Variants in NEB observed in about 807,000 individuals in gnomAD.
NEB encodes the protein nebulin.
NEB carries 512 observed loss-of-function variants against 952.2 expected under a neutral mutation model. That is an observed-to-expected ratio of 0.54 (90% CI 0.50 to 0.58). NEB has a LOEUF of 0.58. NEB is among the 20% of genes least tolerant of loss of function. The pLI is 0.00. For synonymous variants in NEB, 2,900 were observed against 3,149.8 expected (o/e 0.92, Z 2.66); for missense variants, 8,428 against 9,231.1 (o/e 0.91, Z 3.56).
chr2:151,661,081 G>A (rs982251447), intron 46 of NEB, among the ~76,000 whole-genome samples: 6 of 152,114 alleles, frequency 3.9e-5, no homozygotes, highest in Non-Finnish European at 2.9e-5. Flanking sequence ...TGTGTGGGAG[G>A]TGCTTTGCTT....
chr2:151,713,832 A>G (rs1209930343), intron 10 of NEB, among the ~76,000 whole-genome samples: 1 of 152,202 alleles, frequency 6.6e-6, no homozygotes, highest in African/African-American at 2.4e-5. Flanking sequence ...GACAAAGGTG[A>G]GAGAATTGAT....
At chr2:151,689,001 A>G (rs2099524642) in intron 24 of NEB, among the ~76,000 whole-genome samples, 1 of 152,086 alleles carries the variant, frequency 6.6e-6, no homozygotes, top group Admixed American at 6.5e-5. Context: ...AAAACCGTGG[A>G]TAAGGGGGAT....
intron 71 of NEB, among the ~76,000 whole-genome samples, chr2:151,621,228 C>A (rs572130630): frequency 1.3e-5 from 2 of 152,182 alleles, no homozygotes; most frequent in African/African-American, 4.8e-5. Context: ...CAAGTTTTAA[C>A]ATCACAACCT....
chr2:151,690,436 T>G (rs965880238), intron 24 of NEB: 1 of 282,774 alleles, frequency 3.5e-6, no homozygotes, highest in African/African-American at 2.2e-5. Flanking sequence ...TTTATTTAAG[T>G]TGGCATGAAG....
rs1156733550 is a variant in NEB at position 151,516,549 on chromosome 2, T to C, written c.22815A>G (p.Glu7605=). ...GTTTTCCTCGTTCCTTTTCATACTT[T>C]TCTTTGTATTTCACCTGGTGATAGA... ...TELQSIVKYK[E]KYEKERGKPM... Residue 7605 remains glutamate, a synonymous_variant, in exon 157 of 182, where the codon GAA becomes GAG. Transcript: ENST00000397345. 1 of 1,607,638 alleles carries C rather than the reference T, an allele frequency of 6.2e-7. No homozygotes were observed. The highest frequency in any genetic ancestry group is 1.7e-5 in the Admixed American group (1 of 59,796).
chr2:151,694,716 T>C (rs1576604919), intron 18 of NEB, 87 bp from the exon 19 acceptor site: 10 of 971,996 alleles, frequency 1.0e-5, no homozygotes, highest in South Asian at 1.5e-5. Flanking sequence ...AAATACCTTA[T>C]CTTAATATAA....
At chr2:151,570,665 G>A (rs1181644733) in intron 107 of NEB, 64 bp from the exon 108 acceptor site, 6 of 1,437,502 alleles carry the variant, frequency 4.2e-6, no homozygotes, top group Non-Finnish European at 3.8e-6. Context: ...CAATGGCTCA[G>A]GTGGAATTAA....
At position 151,610,870 on chromosome 2, in the gene NEB, C is replaced by T. The variant is rs374477471; in HGVS notation, c.11806-4G>A. On this transcript the variant is annotated splice_region_variant and splice_polypyrimidine_tract_variant and intron_variant, in intron 78 of 181. Transcript: ENST00000397345. ...CCCAAGCTTCTGTGTATAAATGCTA[C>T]AGGGCAGGGCGGCATGGGGCATGGG... 3.2e-6 allele frequency: 5 copies of T among 1,567,418 alleles called. No homozygotes were observed. In the African/African-American group the frequency reaches 6.8e-5, roughly 21 times the overall value.
At chr2:151,636,028 G>A (rs1040069851) in intron 64 of NEB, among the ~76,000 whole-genome samples, 199 bp downstream of exon 64, 7 of 152,180 alleles carry the variant, frequency 4.6e-5, no homozygotes, top group East Asian at 1.9e-4. Context: ...CACAGAAGAC[G>A]CTGTGTCCTG....
Position 151,565,597 on chromosome 2 carries a change from A to G in NEB, c.18270T>C (p.Tyr6090=). Residue 6090 remains tyrosine (Y), a synonymous_variant, in exon 116 of 182, where the codon TAT becomes TAC. Transcript: ENST00000397345. ...GATAGTTTTCAAGGGCATTTTTCTT[A>G]TATTTGATCTGTAAAGAAACGGAGA... is the stretch of plus-strand genomic sequence containing the variant. ...KNQEMMSQIK[Y]KKNALENYPN... is the part of the protein sequence containing the mutation. 6.3e-7 allele frequency: 1 copy of G among 1,590,550 alleles called. No individual in the cohort carries two copies.
At position 151,618,363 on chromosome 2, in the gene NEB, C is replaced by T. The variant is rs550715282; in HGVS notation, c.10988G>A (p.Arg3663His). 6.8e-5 allele frequency: 110 copies of T among 1,613,816 alleles called. No individual in the cohort carries two copies. The highest frequency in any genetic ancestry group is 8.3e-5 in the Non-Finnish European group (98 of 1,179,856). ...AAATTTCAGCGTTTCTGGACGCTGA[C>T]GGTAGATAGTATCACTAAGTAATTC... ...AGELLSDTIY[R>H]QRPETLKFTS... is the part of the protein sequence containing the mutation. The change falls in exon 74 of 182, where the codon CGT (arginine) becomes CAT (histidine). Residue 3663 changes from arginine to histidine, a missense_variant. Physicochemically the swap from Arg to His is conservative, Grantham distance 29. Transcript: ENST00000397345.
chr2:151,710,875 C>A (rs2099743026), intron 10 of NEB, among the ~76,000 whole-genome samples: 1 of 152,128 alleles, frequency 6.6e-6, no homozygotes, highest in South Asian at 2.1e-4. Context: ...TACAATACAA[C>A]CTATCAACCT....
At chr2:151,663,445 G>T in intron 45 of NEB, 103 bp downstream of exon 45, 2 of 1,128,144 alleles carry the variant, frequency 1.8e-6, no homozygotes, top group Non-Finnish European at 2.5e-6. Context: ...TTGGGAAATT[G>T]CAGATGAATT....
intron 8 of NEB, 121 bp downstream of exon 8, chr2:151,724,139 G>T: frequency 1.3e-6 from 1 of 785,934 alleles, no homozygotes. Context: ...CATGTCTCAA[G>T]GCTACTCATA....
At chr2:151,551,649 T>G (rs1380165372) in intron 129 of NEB, 89 bp downstream of exon 129, 4 of 946,758 alleles carry the variant, frequency 4.2e-6, no homozygotes, top group Admixed American at 2.4e-5. Flanking sequence ...TTATACAAGG[T>G]CAGGTCAAGA....
intron 64 of NEB, 87 bp downstream of exon 64, chr2:151,636,140 T>A (rs1251652496): frequency 8.9e-7 from 1 of 1,123,730 alleles, no homozygotes; most frequent in East Asian, 2.5e-5. Context: ...TTTTCAAAGG[T>A]CCAGGAAAAG....
chr2:151,716,995 A>G (rs146858921), intron 10 of NEB, among the ~76,000 whole-genome samples: 193 of 152,360 alleles, frequency 1.3e-3, no homozygotes, highest in African/African-American at 4.5e-3. Context: ...GCTGTTAACT[A>G]AGCTATGTCT....
At chr2:151,690,083 G>C (rs2099536124) in intron 24 of NEB, 1 of 152,594 alleles carries the variant, frequency 6.6e-6, no homozygotes, top group African/African-American at 2.4e-5. Flanking sequence ...TCAGAATATG[G>C]AGTCCCCTAG....
intron 78 of NEB, 80 bp downstream of exon 78, chr2:151,612,106 A>G (rs2097999995): frequency 9.6e-6 from 14 of 1,453,158 alleles, no homozygotes; most frequent in Non-Finnish European, 1.3e-5. Context: ...TTCTCAGGGA[A>G]TCCTTAGGGA....
Sources: gnomAD v4.1 joint callset for allele counts (sites outside exome capture counted in the v4.1 genomes callset) on GRCh38, gnomAD v4.1.1 for gene constraint, MANE v1.5 for transcripts, NCBI Gene and HGNC (gene_info 2026-07-23, HGNC 2026-07-21) for gene names.